The following ALKAL1 variants were observed in gnomAD, a reference collection of about 807,000 sequenced individuals.
ALKAL1 encodes ALK and LTK ligand 1.
ALKAL1 carries 23 observed loss-of-function variants against 13.5 expected under a neutral mutation model. The observed-to-expected ratio is 1.70, with a 90% confidence interval of 1.23 to 2.41. ALKAL1 has a LOEUF of 2.41. ALKAL1 is among the 30% of genes most tolerant of loss of function. The probability of loss-of-function intolerance (pLI) is 0.00; values close to 1 mark genes in which losing one functional copy is unlikely to be tolerated. For synonymous variants in ALKAL1, 85 were observed against 77.7 expected, an observed-to-expected ratio of 1.09 and a Z score of -0.49; for missense variants, 181 against 178.4, an observed-to-expected ratio of 1.01 and a Z score of -0.08.
intron 1 of ALKAL1, among the ~76,000 whole-genome samples, chr8:52,558,571 T>TC: frequency 6.6e-6 from 1 of 152,064 alleles, no homozygotes; most frequent in Non-Finnish European, 1.5e-5. Context: ...TGTTCACCTT[T>TC]CCTTCTCTCT....
chr8:52,560,507 G>A (rs746451204), intron 1 of ALKAL1, among the ~76,000 whole-genome samples: 1 of 152,060 alleles, frequency 6.6e-6, no homozygotes, highest in East Asian at 1.9e-4. Context: ...TAAAACTGAA[G>A]GCCAAAGAAA....
At chr8:52,555,816 T>C (rs1847476784) in intron 1 of ALKAL1, among the ~76,000 whole-genome samples, 1 of 152,226 alleles carries the variant, frequency 6.6e-6, no homozygotes, top group African/African-American at 2.4e-5. Context: ...TCCTTCCTCA[T>C]GACCCGCCCT....
intron 1 of ALKAL1, among the ~76,000 whole-genome samples, chr8:52,548,366 GA>G (rs1037429672): frequency 1.3e-5 from 2 of 151,716 alleles, no homozygotes; most frequent in Admixed American, 6.6e-5. Context: ...AAAAAAAGAA[GA>G]AGAAATAAAA....
intron 1 of ALKAL1, among the ~76,000 whole-genome samples, chr8:52,556,751 G>C (rs1847488565): frequency 6.7e-6 from 1 of 148,856 alleles, no homozygotes; most frequent in Non-Finnish European, 1.5e-5. Flanking sequence ...CAACAAATGA[G>C]ATAAGCAAGT....
chr8:52,557,287 A>T (rs995770499), intron 1 of ALKAL1, among the ~76,000 whole-genome samples: 9 of 152,122 alleles, frequency 5.9e-5, no homozygotes, highest in Non-Finnish European at 1.3e-4. Flanking sequence ...TGCTCCACAC[A>T]TCTCCTCTGT....
At chr8:52,558,973 G>A (rs1331035509) in intron 1 of ALKAL1, among the ~76,000 whole-genome samples, 1 of 152,158 alleles carries the variant, frequency 6.6e-6, no homozygotes, top group African/African-American at 2.4e-5. Flanking sequence ...GAGCCGCTGT[G>A]TGCAGAGAAC....
At chr8:52,549,224 A>G (rs2150345830) in intron 1 of ALKAL1, among the ~76,000 whole-genome samples, 1 of 152,130 alleles carries the variant, frequency 6.6e-6, no homozygotes, top group South Asian at 2.1e-4. Flanking sequence ...TAAAAACAAG[A>G]CACTACTAAT....
intron 1 of ALKAL1, among the ~76,000 whole-genome samples, chr8:52,547,064 T>A (rs1476985076): frequency 1.3e-5 from 2 of 152,248 alleles, no homozygotes; most frequent in African/African-American, 4.8e-5. Flanking sequence ...ACACCCTTTT[T>A]ATTACTTTTA....
At chr8:52,544,618 T>C (rs1305099565) in intron 1 of ALKAL1, among the ~76,000 whole-genome samples, 2 of 151,840 alleles carry the variant, frequency 1.3e-5, no homozygotes, top group African/African-American at 4.8e-5. Flanking sequence ...ATGGGGAGAA[T>C]TGGCCAAAGG....
chr8:52,564,339 A>T (rs1400788625), intron 1 of ALKAL1, among the ~76,000 whole-genome samples: 1 of 152,014 alleles, frequency 6.6e-6, no homozygotes, highest in East Asian at 1.9e-4. Context: ...CGCTGCCCCA[A>T]GTGCCCGGCC....
chr8:52,543,431 G>A (rs927078695), intron 1 of ALKAL1, among the ~76,000 whole-genome samples: 20 of 152,164 alleles, frequency 1.3e-4, no homozygotes, highest in Non-Finnish European at 2.4e-4. Flanking sequence ...CATGCCATGA[G>A]CTCCTGAGGG....
intron 1 of ALKAL1, among the ~76,000 whole-genome samples, chr8:52,556,387 C>T (rs1847481345): frequency 6.6e-6 from 1 of 152,066 alleles, no homozygotes; most frequent in Non-Finnish European, 1.5e-5. Context: ...GTGGCTCACG[C>T]CTGTAATCCC....
At chr8:52,540,480 C>T (rs1847302464) in intron 2 of ALKAL1, among the ~76,000 whole-genome samples, 1 of 152,244 alleles carries the variant, frequency 6.6e-6, no homozygotes, top group South Asian at 2.1e-4. Flanking sequence ...AATCCCAGCA[C>T]TTTGGGAGGC....
chr8:52,556,604 G>A lies in ALKAL1; in HGVS notation c.190+8463C>T, dbSNP rs10958329. Among the ~76,000 whole-genome samples the A allele has an allele frequency of 6.1e-5, 8 of 131,334 alleles. No homozygotes were observed. The South Asian group carries it at 1.3e-3, about 21-fold the overall frequency. 86.2% of individuals were successfully genotyped at this position (131,334 alleles called of 152,430 possible). ...GGAGCTTGCAGTGAGTCGAGATCGC[G>A]CCACTGCACTCCAGCCTGGGCGACA... On this transcript the variant is annotated intron_variant, in intron 1 of 4. Coordinates refer to ENST00000358543, the MANE Select transcript of ALKAL1 (RefSeq NM_207413.4).
At chr8:52,537,702 A>G (rs1213293232) in intron 4 of ALKAL1, among the ~76,000 whole-genome samples, 1 of 152,148 alleles carries the variant, frequency 6.6e-6, no homozygotes, top group East Asian at 1.9e-4. Flanking sequence ...CATCATGTTA[A>G]GTGAAGTAAG....
chr8:52,550,971 CAATT>C (rs1320285247), intron 1 of ALKAL1, among the ~76,000 whole-genome samples: 1 of 152,168 alleles, frequency 6.6e-6, no homozygotes. Flanking sequence ...AAGAGGAACA[CAATT>C]AAATTCCTAA....
intron 1 of ALKAL1, among the ~76,000 whole-genome samples, chr8:52,545,974 A>G (rs1338021442): frequency 6.6e-6 from 1 of 152,216 alleles, no homozygotes; most frequent in Non-Finnish European, 1.5e-5. Flanking sequence ...GGTATAGCCT[A>G]TTGCTCCTAG....
At chr8:52,554,899 C>T (rs1317196271) in intron 1 of ALKAL1, among the ~76,000 whole-genome samples, 5 of 152,178 alleles carry the variant, frequency 3.3e-5, no homozygotes, top group African/African-American at 1.2e-4. Flanking sequence ...GGGCCGGGCA[C>T]GGTGGCTCAC....
At chr8:52,543,397 T>A (rs1847333667) in intron 1 of ALKAL1, among the ~76,000 whole-genome samples, 1 of 152,182 alleles carries the variant, frequency 6.6e-6, no homozygotes, top group Admixed American at 6.5e-5. Flanking sequence ...TAAATGCAGA[T>A]GCAGGGATTC....
Sources: gnomAD v4.1 joint callset for allele counts (sites outside exome capture counted in the v4.1 genomes callset) on GRCh38, gnomAD v4.1.1 for gene constraint, MANE v1.5 for transcripts, NCBI Gene and HGNC (gene_info 2026-07-23, HGNC 2026-07-21) for gene names.